Variants in MPPED2 observed in about 807,000 individuals in gnomAD.
The protein encoded by MPPED2 is metallophosphoesterase MPPED2.
MPPED2 carries 5 observed loss-of-function variants against 33.0 expected under a neutral mutation model. The ratio of observed to expected loss-of-function variants is 0.15; its 90% CI spans 0.08 to 0.32. The LOEUF is 0.32. MPPED2 is among the 10% of genes least tolerant of loss of function. The pLI, the probability that MPPED2 is intolerant of heterozygous loss-of-function variation, is 1.00. For synonymous variants in MPPED2, 136 were observed against 141.9 expected (o/e 0.96, Z 0.29); for missense variants, 275 against 372.1 (o/e 0.74, Z 2.15).
intron 5 of MPPED2, 129 bp downstream of exon 5, chr11:30,417,389 T>A: frequency 1.7e-6 from 1 of 574,784 alleles, no homozygotes; most frequent in East Asian, 3.0e-5. Flanking sequence ...TTTAAAGACA[T>A]TGACTTTTCT....
At chr11:30,459,176 C>T (rs1337726088) in intron 4 of MPPED2, among the ~76,000 whole-genome samples, 7 of 152,080 alleles carry the variant, frequency 4.6e-5, no homozygotes, top group Non-Finnish European at 1.0e-4. Flanking sequence ...ATCCGCCCGC[C>T]TCGGCCTCCC....
intron 6 of MPPED2, among the ~76,000 whole-genome samples, chr11:30,393,991 A>C (rs1405920324): frequency 6.6e-6 from 1 of 152,084 alleles, no homozygotes; most frequent in African/African-American, 2.4e-5. Flanking sequence ...TGATCAGTAT[A>C]GTTTTGTTTT....
At chr11:30,428,809 C>T (rs1307488202) in intron 4 of MPPED2, among the ~76,000 whole-genome samples, 1 of 152,034 alleles carries the variant, frequency 6.6e-6, no homozygotes, top group African/African-American at 2.4e-5. Context: ...GACAGCCTGC[C>T]TATATAGATT....
intron 3 of MPPED2, among the ~76,000 whole-genome samples, chr11:30,527,892 T>G (rs1385334845): frequency 2.6e-5 from 4 of 152,138 alleles, no homozygotes; most frequent in Non-Finnish European, 5.9e-5. Flanking sequence ...GCTCGGAAAA[T>G]GTCACAGCAG....
At chr11:30,544,631 G>A (rs1955310837) in intron 2 of MPPED2, among the ~76,000 whole-genome samples, 1 of 152,192 alleles carries the variant, frequency 6.6e-6, no homozygotes, top group African/African-American at 2.4e-5. Flanking sequence ...AGTTGCTGGA[G>A]AGACAGCTAC....
chr11:30,416,872 T>A (rs1455357858), intron 5 of MPPED2, among the ~76,000 whole-genome samples: 1 of 152,114 alleles, frequency 6.6e-6, no homozygotes, highest in Non-Finnish European at 1.5e-5. Flanking sequence ...AGGTAATAAG[T>A]CAACTGATCA....
At chr11:30,568,924 T>A (rs1279790760) in intron 2 of MPPED2, among the ~76,000 whole-genome samples, 1 of 152,230 alleles carries the variant, frequency 6.6e-6, no homozygotes, top group Non-Finnish European at 1.5e-5. Flanking sequence ...GGCTCATTTT[T>A]TTTTGTTCTC....
chr11:30,465,897 C>T (rs889107955), intron 4 of MPPED2, among the ~76,000 whole-genome samples: 4 of 152,158 alleles, frequency 2.6e-5, no homozygotes, highest in African/African-American at 9.7e-5. Context: ...AACCAATCCT[C>T]CACATATACT....
At chr11:30,395,744 T>G (rs1466277562) in intron 6 of MPPED2, among the ~76,000 whole-genome samples, 1 of 152,228 alleles carries the variant, frequency 6.6e-6, no homozygotes, top group African/African-American at 2.4e-5. Flanking sequence ...TATAAGTCTT[T>G]AATTTAATAT....
intron 1 of MPPED2, among the ~76,000 whole-genome samples, chr11:30,585,389 G>A (rs111959436): frequency 0.12 from 17,705 of 151,834 alleles, 1,294 homozygotes; most frequent in South Asian, 0.21. Context: ...GCGCGCGGGC[G>A]GCCCCGGGGG....
chr11:30,438,217 G>C (rs944844221), intron 4 of MPPED2, among the ~76,000 whole-genome samples: 1 of 152,200 alleles, frequency 6.6e-6, no homozygotes, highest in African/African-American at 2.4e-5. Flanking sequence ...CAGTAAAGGA[G>C]AGAGACTTGA....
chr11:30,408,404 T>A (rs976041796), downstream of MPPED2, among the ~76,000 whole-genome samples: 1 of 152,188 alleles, frequency 6.6e-6, no homozygotes, highest in Admixed American at 6.5e-5. Flanking sequence ...CTCTGCCTCC[T>A]GGGTTCAAGT....
At chr11:30,493,358 G>A in intron 4 of MPPED2, among the ~76,000 whole-genome samples, 1 of 144,456 alleles carries the variant, frequency 6.9e-6, no homozygotes, top group East Asian at 2.1e-4. Context: ...GCGACAGAAC[G>A]AGACTCCGTC....
intron 4 of MPPED2, chr11:30,441,261 G>C (rs533267974): frequency 6.6e-6 from 1 of 152,128 alleles, no homozygotes; most frequent in South Asian, 2.1e-4. Context: ...AGCATATACT[G>C]ACCAAATAGT....
intron 3 of MPPED2, chr11:30,501,507 C>A (rs1952560114): frequency 2.8e-6 from 1 of 355,260 alleles, no homozygotes; most frequent in South Asian, 1.1e-4. Flanking sequence ...TAACACACAA[C>A]TTTTTGCCTC....
At chr11:30,407,114 T>C (rs1948003019), downstream of MPPED2, among the ~76,000 whole-genome samples, 1 of 152,304 alleles carries the variant, frequency 6.6e-6, no homozygotes, top group Admixed American at 6.5e-5. Context: ...ACGGTATTTA[T>C]TTACTTAAAT....
At chr11:30,503,382 C>A (rs1299768465) in intron 3 of MPPED2, among the ~76,000 whole-genome samples, 22 of 152,136 alleles carry the variant, frequency 1.4e-4, no homozygotes, top group Non-Finnish European at 3.2e-4. Flanking sequence ...ACTAATACAG[C>A]CTGCCAACTT....
In MPPED2 at chr11:30,537,622, A is replaced by C. The variant is rs116800399; in HGVS notation, c.129-1447T>G. ...ATGACTAACCTTTTTATTTCCTCTTATCTGTGTCGGAGAAGGAAAGTAAGA... is the reference window on the plus strand; with the variant it reads ...ATGACTAACCTTTTTATTTCCTCTTCTCTGTGTCGGAGAAGGAAAGTAAGA... On this transcript the variant is annotated intron_variant, in intron 2 of 6. Transcript: ENST00000358117. Among the ~76,000 whole-genome samples the C allele has an allele frequency of 2.4e-3, 361 of 152,254 alleles. 3 individuals carry two copies. Among genetic ancestry groups the C allele is most frequent in the African/African-American group, 8.2e-3 (339 of 41,566 alleles).
chr11:30,404,415 C>A (rs542081674), intron 6 of MPPED2, among the ~76,000 whole-genome samples: 2 of 152,318 alleles, frequency 1.3e-5, no homozygotes, highest in East Asian at 3.9e-4. Context: ...AAAACCATTT[C>A]ATAGAGTAAA....
Sources: allele counts gnomAD v4.1 joint callset (sites outside exome capture counted in the v4.1 genomes callset), GRCh38; gene constraint gnomAD v4.1.1; transcripts MANE v1.5; gene names NCBI Gene and HGNC (gene_info 2026-07-23, HGNC 2026-07-21).